The following COL19A1 variants were observed in gnomAD, a reference collection of about 807,000 sequenced individuals.
The protein encoded by COL19A1 is collagen alpha-1(XIX) chain.
In COL19A1, 159 loss-of-function variants were observed where a neutral mutation model predicts 190.2. The observed-to-expected ratio is 0.84, with a 90% CI of 0.73 to 0.95. The LOEUF (loss-of-function observed/expected upper bound fraction) is 0.95. Ranked by LOEUF, COL19A1 falls within the 40% of genes least tolerant of loss-of-function variation. The probability of loss-of-function intolerance (pLI) is 0.00; values close to 1 mark genes in which losing one functional copy is unlikely to be tolerated. For synonymous variants in COL19A1, 509 were observed against 458.9 expected (o/e 1.11, Z -1.39); for missense variants, 1,418 against 1,431.9 (o/e 0.99, Z 0.16).
At chr6:70,095,291 G>A (rs188755970) in intron 15 of COL19A1, among the ~76,000 whole-genome samples, 2 of 151,900 alleles carry the variant, frequency 1.3e-5, no homozygotes, top group African/African-American at 4.8e-5. Flanking sequence ...TGGGTATCTT[G>A]ATTGTTATTT....
At chr6:70,098,750 C>G (rs1299002914) in intron 15 of COL19A1, 1 of 207,020 alleles carries the variant, frequency 4.8e-6, no homozygotes, top group African/African-American at 2.3e-5. Flanking sequence ...TTCCCTAATG[C>G]TTTTAAGTAG....
intron 14 of COL19A1, among the ~76,000 whole-genome samples, chr6:70,052,791 G>A (rs531965068): frequency 6.6e-6 from 1 of 152,194 alleles, no homozygotes; most frequent in Non-Finnish European, 1.5e-5. Flanking sequence ...TTATTTGGAA[G>A]TGCAAGTAGA....
chr6:70,088,337 C>G (rs1157305455), intron 15 of COL19A1, among the ~76,000 whole-genome samples: 1 of 152,032 alleles, frequency 6.6e-6, no homozygotes, highest in African/African-American at 2.4e-5. Context: ...TTCAGATTCA[C>G]TTAATTAATA....
At chr6:69,913,599 A>G (rs1042728949) in intron 4 of COL19A1, among the ~76,000 whole-genome samples, 4 of 152,142 alleles carry the variant, frequency 2.6e-5, no homozygotes, top group Non-Finnish European at 5.9e-5. Flanking sequence ...TGGTAGTTTT[A>G]AAGGTCAAAG....
chr6:69,868,447 C>T (rs1227448250), intron 1 of COL19A1, among the ~76,000 whole-genome samples: 1 of 152,094 alleles, frequency 6.6e-6, no homozygotes, highest in Admixed American at 6.5e-5. Context: ...GGGTGACCCC[C>T]AGAGGCAGAA....
In COL19A1 at chr6:70,180,498, G is replaced by T; in HGVS notation, c.2750G>T (p.Gly917Val). Residue 917 changes from glycine (G) to valine (V), a missense_variant, in exon 44 of 51, where the codon GGA becomes GTA. By Grantham distance (109) the Gly-to-Val change is moderately radical (BLOSUM62 -3). Transcript: ENST00000620364. ...CCTGTTGGAGATATAGGTTTCCCTG[G>T]ACCAGAAGGACCCTCAGGAAAGCCA... Reference protein sequence around the residue: ...RGPVGDIGFPGPEGPSGKPGI... With the variant: ...RGPVGDIGFPVPEGPSGKPGI... 1 of 1,614,074 alleles carries T rather than the reference G, an allele frequency of 6.2e-7. No individual in the cohort carries two copies. The highest frequency in any genetic ancestry group is 8.5e-7 in the Non-Finnish European group (1 of 1,179,992).
intron 7 of COL19A1, among the ~76,000 whole-genome samples, chr6:69,934,769 T>A (rs1445017646): frequency 6.6e-6 from 1 of 152,046 alleles, no homozygotes; most frequent in Non-Finnish European, 1.5e-5. Flanking sequence ...ATATCACCAT[T>A]CATTTAATGA....
intron 1 of COL19A1, among the ~76,000 whole-genome samples, chr6:69,874,037 A>G (rs1767987992): frequency 6.6e-6 from 1 of 152,232 alleles, no homozygotes; most frequent in African/African-American, 2.4e-5. Flanking sequence ...CTATCTTGAT[A>G]ATCACCTAGC....
intron 17 of COL19A1, among the ~76,000 whole-genome samples, chr6:70,123,813 G>A (rs1433578370): frequency 1.6e-5 from 2 of 128,408 alleles, no homozygotes; most frequent in Non-Finnish European, 3.3e-5. Flanking sequence ...GACTGTTGTG[G>A]GGTCGGGGGA....
chr6:70,071,562 A>ATTAT (rs3838678), intron 15 of COL19A1, among the ~76,000 whole-genome samples: 1 of 152,042 alleles, frequency 6.6e-6, no homozygotes, highest in African/African-American at 2.4e-5. Flanking sequence ...TTTATATGCC[A>ATTAT]TTATTTATTT....
Position 70,073,675 on chromosome 6 carries a change from C to T in COL19A1, c.1224+5199C>T, listed in dbSNP as rs1781690490. On this transcript the variant is annotated intron_variant, in intron 15 of 50. Transcript: ENST00000620364. ...TCTAATGCCCCAGAAGCTTGAGGCC[C>T]AGTGTTGATCTAACTTGATAATAAA... is the stretch of plus-strand genomic sequence containing the variant. 2.0e-5 allele frequency among the ~76,000 whole-genome samples: 3 copies of T among 152,096 alleles called. 1 individual carries two copies. Among genetic ancestry groups the T allele is most frequent in the Non-Finnish European group, 4.4e-5 (3 of 68,020 alleles).
chr6:70,053,357 G>A (rs1314510247), intron 14 of COL19A1, among the ~76,000 whole-genome samples: 1 of 152,056 alleles, frequency 6.6e-6, no homozygotes, highest in African/African-American at 2.4e-5. Context: ...CTAGTGACTG[G>A]TAAATTGAAA....
chr6:70,122,060 TA>T (rs1784916203), intron 17 of COL19A1, 118 bp downstream of exon 17: 1 of 596,034 alleles, frequency 1.7e-6, no homozygotes, highest in Admixed American at 3.2e-5. Context: ...CACATGTATT[TA>T]AACATCTTTC....
chr6:70,046,245 G>A (rs1779908594), intron 14 of COL19A1, among the ~76,000 whole-genome samples: 2 of 152,070 alleles, frequency 1.3e-5, no homozygotes, highest in South Asian at 4.1e-4. Context: ...TAAATCTCTT[G>A]ATTTTTTCAG....
chr6:70,116,259 G>A (rs1034351298), intron 16 of COL19A1, among the ~76,000 whole-genome samples: 20 of 152,152 alleles, frequency 1.3e-4, no homozygotes, highest in African/African-American at 4.8e-4. Flanking sequence ...CAAGCCCTTT[G>A]CTCTGTTTGA....
intron 18 of COL19A1, among the ~76,000 whole-genome samples, chr6:70,136,230 G>C (rs563259129): frequency 6.6e-6 from 1 of 152,102 alleles, no homozygotes; most frequent in African/African-American, 2.4e-5. Flanking sequence ...ATAAAAATAA[G>C]CCAAAGATTT....
At chr6:69,907,181 G>A (rs2149982041) in intron 4 of COL19A1, among the ~76,000 whole-genome samples, 1 of 149,484 alleles carries the variant, frequency 6.7e-6, no homozygotes, top group East Asian at 2.0e-4. Flanking sequence ...CCAGGCTGGA[G>A]TGCAGTGGCA....
chr6:70,182,356 G>A (rs1766228253), intron 44 of COL19A1, among the ~76,000 whole-genome samples: 1 of 152,172 alleles, frequency 6.6e-6, no homozygotes, highest in East Asian at 1.9e-4. Flanking sequence ...GCAGACTGAA[G>A]GTAGGTGGAT....
chr6:70,073,765 G>A (rs1371214686), intron 15 of COL19A1, among the ~76,000 whole-genome samples: 1 of 152,134 alleles, frequency 6.6e-6, no homozygotes. Flanking sequence ...AGAAAGATAT[G>A]AAGATTGGTG....
Sources: gnomAD v4.1 joint callset for allele counts (sites outside exome capture counted in the v4.1 genomes callset) on GRCh38, gnomAD v4.1.1 for gene constraint, MANE v1.5 for transcripts, NCBI Gene and HGNC (gene_info 2026-07-23, HGNC 2026-07-21) for gene names.